Variants in MTMR2 observed in about 807,000 individuals in gnomAD.
The protein encoded by MTMR2 is phosphatidylinositol-3,5-bisphosphate 3-phosphatase MTMR2.
Under a neutral mutation model 86.9 loss-of-function variants are expected in MTMR2, and 55 were observed. The observed-to-expected ratio is 0.63, with a 90% CI of 0.51 to 0.79. The LOEUF is 0.79. Ranked by LOEUF, MTMR2 falls within the 30% of genes least tolerant of loss-of-function variation. MTMR2 has a pLI of 0.00. For synonymous variants in MTMR2, 241 were observed against 266.8 expected, an observed-to-expected ratio of 0.90 and a Z score of 0.94; for missense variants, 659 against 772.3, an observed-to-expected ratio of 0.85 and a Z score of 1.74.
At chr11:95,865,483 A>G in intron 3 of MTMR2, 118 bp downstream of exon 3, 1 of 927,462 alleles carries the variant, frequency 1.1e-6, no homozygotes, top group African/African-American at 1.6e-5. Flanking sequence ...GCAGGTAAAG[A>G]GTTCTGCCAG....
chr11:95,881,574 T>C (rs1414953576), intron 2 of MTMR2, among the ~76,000 whole-genome samples: 1 of 152,168 alleles, frequency 6.6e-6, no homozygotes, highest in African/African-American at 2.4e-5. Context: ...AACTTATTCC[T>C]AAGTAAGGTA....
intron 1 of MTMR2, among the ~76,000 whole-genome samples, chr11:95,906,320 A>ATTC (rs1866274153): frequency 6.6e-6 from 1 of 152,208 alleles, no homozygotes; most frequent in East Asian, 1.9e-4. Flanking sequence ...TAAAATGGGT[A>ATTC]AAGGATTCAA....
At chr11:95,839,927 T>C (rs1863467469) in intron 12 of MTMR2, 1 of 152,192 alleles carries the variant, frequency 6.6e-6, no homozygotes, top group South Asian at 2.1e-4. Flanking sequence ...TGATTTTCTT[T>C]TATTTAGTGC....
rs562826516 is a variant in MTMR2, at chr11:95,833,468, A to C, written c.*1822T>G. The C allele has an allele frequency of 3.9e-5, 6 of 152,196 alleles. No homozygotes were observed. The highest frequency in any genetic ancestry group is 4.1e-4 in the South Asian group (2 of 4,826). 9.4% of individuals were successfully genotyped at this position (152,196 alleles called of 1,614,324 possible). On this transcript the variant is annotated 3_prime_UTR_variant, in exon 15 of 15. Coordinates refer to ENST00000346299, the MANE Select transcript of MTMR2 (RefSeq NM_016156.6). ...TCCCTCCCACACACACCAGTGGTAT[A>C]TATTAAATGCCCAAGTGCATGTACT...
intron 1 of MTMR2, among the ~76,000 whole-genome samples, chr11:95,910,742 A>T (rs948287960): frequency 3.9e-5 from 6 of 152,302 alleles, no homozygotes; most frequent in Admixed American, 2.6e-4. Context: ...GCCCAAGAAC[A>T]TTAAAGCATG....
intron 10 of MTMR2, among the ~76,000 whole-genome samples, chr11:95,846,634 ACT>A (rs1863805406): frequency 6.6e-6 from 1 of 152,154 alleles, no homozygotes; most frequent in South Asian, 2.1e-4. Context: ...ATGTCTTATA[ACT>A]CTAGGGAAAT....
chr11:95,841,559 C>T, intron 12 of MTMR2, 58 bp downstream of exon 12: 1 of 1,269,628 alleles, frequency 7.9e-7, no homozygotes, highest in Admixed American at 1.7e-5. Context: ...CAAATCTCCC[C>T]ACTCTGACAG....
intron 2 of MTMR2, among the ~76,000 whole-genome samples, chr11:95,884,810 T>C (rs568327905): frequency 1.2e-4 from 19 of 152,268 alleles, no homozygotes; most frequent in African/African-American, 4.6e-4. Flanking sequence ...CTGAAGACTG[T>C]AATTCAAGTA....
intron 1 of MTMR2, among the ~76,000 whole-genome samples, chr11:95,904,334 G>A (rs1208095263): frequency 6.6e-6 from 1 of 152,066 alleles, no homozygotes; most frequent in Non-Finnish European, 1.5e-5. Context: ...TCATTTCTCT[G>A]AGCTTCTTTA....
In MTMR2 at chr11:95,870,731, C is replaced by CTTTT. The variant is rs1158293839; in HGVS notation, c.187-5059_187-5056dup. Among the ~76,000 whole-genome samples, 20 of 129,964 alleles carry CTTTT rather than the reference C, an allele frequency of 1.5e-4. 1 individual carries two copies. The highest frequency in any genetic ancestry group is 3.3e-4 in the African/African-American group (11 of 33,362). The allele number at this position is 129,964 out of a possible 152,430, so 85.3% of individuals were successfully genotyped here. A position where few individuals can be genotyped will look rare whatever the true frequency, so the allele number is the denominator to read the frequency against. On this transcript the variant is annotated intron_variant, in intron 2 of 14. Transcript: ENST00000346299. Reference sequence around the variant, plus strand: ...TTTTTTTTTTTAAGGTTCTTTTTTTCTTTTTCTTTTTTTTTTTATTATACT... The same window carrying CTTTT: ...TTTTTTTTTTTAAGGTTCTTTTTTTCTTTTTTTTTCTTTTTTTTTTTATTATACT...
At chr11:95,871,189 A>G (rs1864867171) in intron 2 of MTMR2, among the ~76,000 whole-genome samples, 3 of 152,244 alleles carry the variant, frequency 2.0e-5, no homozygotes, top group African/African-American at 7.2e-5. Context: ...TAGTGCCACA[A>G]TAAACATAAC....
intron 1 of MTMR2, among the ~76,000 whole-genome samples, chr11:95,907,558 G>A (rs562147304): frequency 4.6e-5 from 7 of 152,030 alleles, no homozygotes; most frequent in African/African-American, 1.7e-4. Flanking sequence ...GACAGACAAC[G>A]AAAAAAGAAA....
Position 95,850,707 on chromosome 11 carries a change from G to GT in MTMR2, c.696dup (p.Arg233ThrfsTer3). 6.2e-7 allele frequency: 1 copy of GT among 1,613,404 alleles called. No homozygotes were observed. The highest frequency in any genetic ancestry group is 8.5e-7 in the Non-Finnish European group (1 of 1,179,582). The stretch of plus-strand genomic sequence containing the variant: ...GGGTATGTATCACAAAGTTCATATC[G>GT]TTCATTTATCTTTGTTATTCTCCAG... On this transcript the variant is annotated frameshift_variant, in exon 8 of 15. Coordinates refer to ENST00000346299, the MANE Select transcript of MTMR2 (RefSeq NM_016156.6). LOFTEE classifies it high-confidence loss of function.
chr11:95,835,118 T>G lies in MTMR2; in HGVS notation c.*172A>C, dbSNP rs1237953568. On this transcript the variant is annotated 3_prime_UTR_variant, in exon 15 of 15. Transcript: ENST00000346299. ...GTAATTACATATGGAGTTACTTCAC[T>G]TAAGCCACCTGCACTGCTACAGTTC... 3.0e-6 allele frequency: 2 copies of G among 663,730 alleles called. No homozygotes were observed. The highest frequency in any genetic ancestry group is 1.8e-5 in the South Asian group (1 of 56,278). 41.1% of individuals were successfully genotyped at this position (663,730 alleles called of 1,614,324 possible).
intron 2 of MTMR2, among the ~76,000 whole-genome samples, chr11:95,875,235 A>G (rs1472450180): frequency 1.3e-5 from 2 of 152,228 alleles, no homozygotes; most frequent in African/African-American, 2.4e-5. Context: ...AGGTACACCA[A>G]TCAGACATAG....
rs368041227 is a variant in MTMR2, at chr11:95,888,260, C to T, written c.82G>A (p.Ala28Thr). 3.7e-6 allele frequency: 6 copies of T among 1,610,868 alleles called. No individual in the cohort carries two copies. Among genetic ancestry groups the T allele is most frequent in the South Asian group, 3.3e-5 (3 of 90,952 alleles). ...GAATTCTCTGAATGAGAAGTGGAGG[C>T]ACTACAAAATACAAAAGTACAGTAT... is the stretch of plus-strand genomic sequence containing the variant. Reference protein sequence around the residue: ...RPPSVDSLSSASTSHSENSVH... With the variant: ...RPPSVDSLSSTSTSHSENSVH... Residue 28 changes from alanine to threonine, a missense_variant and splice_region_variant, in exon 2 of 15, where the codon GCC (alanine) becomes ACC (threonine). Around this residue, in one of 3 missense-constraint regions of MTMR2, gnomAD observed 79 missense variants for 54.4 expected, o/e 1.45. Coordinates refer to ENST00000346299, the MANE Select transcript of MTMR2 (RefSeq NM_016156.6).
intron 2 of MTMR2, 115 bp downstream of exon 2, chr11:95,888,041 G>T: frequency 1.3e-6 from 1 of 788,336 alleles, no homozygotes; most frequent in Non-Finnish European, 2.1e-6. Context: ...TTTGTAGACC[G>T]GGATCTATGA....
chr11:95,836,376 C>CT, intron 13 of MTMR2, 52 bp from the exon 14 acceptor site: 1 of 1,502,916 alleles, frequency 6.7e-7, no homozygotes, highest in African/African-American at 1.4e-5. Context: ...GCCATTTACA[C>CT]TTTAGATGAA....
chr11:95,836,313 T>C lies in MTMR2; in HGVS notation c.1605A>G (p.Lys535=), dbSNP rs894019754. The C allele has an allele frequency of 6.2e-7, 1 of 1,612,512 alleles. No homozygotes were observed. Among genetic ancestry groups the C allele is most frequent in the African/African-American group, 1.3e-5 (1 of 74,832 alleles). The change falls in exon 14 of 15, where the codon AAA becomes AAG. Residue 535 remains lysine, a synonymous_variant. Coordinates refer to ENST00000346299, the MANE Select transcript of MTMR2 (RefSeq NM_016156.6). Reference sequence around the variant, plus strand: ...TGTAAGACCACAGTGACACAGTCCTTTTAGGAAGATTCTGTAGGCAGGAAA... The same window carrying C: ...TGTAAGACCACAGTGACACAGTCCTCTTAGGAAGATTCTGTAGGCAGGAAA... ...EQQRGKENLP[K]RTVSLWSYIN...
Sources: allele counts gnomAD v4.1 joint callset (sites outside exome capture counted in the v4.1 genomes callset), GRCh38; gene constraint gnomAD v4.1.1; regional missense constraint gnomAD v4.1.1; transcripts MANE v1.5; gene names NCBI Gene and HGNC (gene_info 2026-07-23, HGNC 2026-07-21).